The following NAV3 variants were observed in gnomAD, a reference collection of about 807,000 sequenced individuals.
NAV3 encodes the protein pore membrane and/or filament interacting like protein 1.
A neutral mutation model predicts 244.7 loss-of-function variants in NAV3; 87 were observed. The observed-to-expected ratio is 0.36, with a 90% CI of 0.30 to 0.42. The LOEUF is 0.42. Ranked by LOEUF, NAV3 falls within the 20% of genes least tolerant of loss-of-function variation. The probability of loss-of-function intolerance (pLI) is 1.00; values close to 1 mark genes in which losing one functional copy is unlikely to be tolerated. For missense variants in NAV3, 2,663 were observed against 2,893.3 expected, an observed-to-expected ratio of 0.92 and a Z score of 1.83; for synonymous variants, 1,126 against 1,042.2, an observed-to-expected ratio of 1.08 and a Z score of -1.55.
intron 12 of NAV3, among the ~76,000 whole-genome samples, chr12:78,068,535 G>C (rs941008550): frequency 1.3e-5 from 2 of 149,486 alleles, no homozygotes; most frequent in Non-Finnish European, 3.0e-5. Flanking sequence ...ATGTGTGAGA[G>C]CGTCTAAAAA....
intron 2 of NAV3, among the ~76,000 whole-genome samples, chr12:77,612,104 A>T (rs1338540928): frequency 6.6e-6 from 1 of 152,104 alleles, no homozygotes; most frequent in Non-Finnish European, 1.5e-5. Flanking sequence ...ACTAGACTGC[A>T]TGAGTTCATA....
At chr12:77,825,479 G>T (rs948886121) in intron 2 of NAV3, among the ~76,000 whole-genome samples, 1 of 152,026 alleles carries the variant, frequency 6.6e-6, no homozygotes, top group Admixed American at 6.6e-5. Flanking sequence ...TATCTAAAGT[G>T]GCATAATGTA....
chr12:78,105,903 T>A lies in NAV3; in HGVS notation c.2637-10869T>A, dbSNP rs187633061. Among the ~76,000 whole-genome samples the A allele has an allele frequency of 5.1e-3, 768 of 151,734 alleles. 2 individuals carry two copies. Among genetic ancestry groups the A allele is most frequent in the Non-Finnish European group, 8.3e-3 (562 of 67,738 alleles). ...TAAATCCTAATTTTATATTTTATGATATTCAAAATTTCTAACAAATATTTA... is the reference window on the plus strand; with the variant it reads ...TAAATCCTAATTTTATATTTTATGAAATTCAAAATTTCTAACAAATATTTA... On this transcript the variant is annotated intron_variant, in intron 12 of 39. Transcript: ENST00000397909.
At chr12:77,962,446 C>A (rs1310565748) in intron 3 of NAV3, among the ~76,000 whole-genome samples, 1 of 152,084 alleles carries the variant, frequency 6.6e-6, no homozygotes, top group Non-Finnish European at 1.5e-5. Flanking sequence ...AGACTTCATC[C>A]TTCTTGTGAT....
intron 3 of NAV3, among the ~76,000 whole-genome samples, chr12:77,960,172 T>C (rs1190288736): frequency 6.6e-6 from 1 of 151,964 alleles, no homozygotes; most frequent in Non-Finnish European, 1.5e-5. Context: ...AGGCTTAGGA[T>C]GCCATAGAAG....
chr12:78,000,293 A>G (rs1223846000), intron 7 of NAV3, among the ~76,000 whole-genome samples: 2 of 152,058 alleles, frequency 1.3e-5, no homozygotes, highest in Non-Finnish European at 1.5e-5. Flanking sequence ...ATTTTCTTAG[A>G]CAAGAGTTTT....
intron 1 of NAV3, among the ~76,000 whole-genome samples, chr12:77,908,266 G>C (rs1886209011): frequency 6.6e-6 from 1 of 151,986 alleles, no homozygotes; most frequent in African/African-American, 2.4e-5. Flanking sequence ...TAAACTCACT[G>C]TATTGTAAAT....
intron 2 of NAV3, among the ~76,000 whole-genome samples, chr12:77,636,263 G>T (rs138187878): frequency 0.025 from 3,819 of 151,998 alleles, 61 homozygotes; most frequent in Middle Eastern, 0.082. Flanking sequence ...TCAGGAGATC[G>T]AGACCATCCT....
At chr12:77,917,785 T>G (rs1022401641) in intron 1 of NAV3, among the ~76,000 whole-genome samples, 2 of 152,058 alleles carry the variant, frequency 1.3e-5, no homozygotes, top group African/African-American at 4.8e-5. Flanking sequence ...ATTAACTGTT[T>G]GTTTGAAGAC....
At chr12:78,064,154 A>C (rs1884674742) in intron 12 of NAV3, among the ~76,000 whole-genome samples, 1 of 152,088 alleles carries the variant, frequency 6.6e-6, no homozygotes, top group African/African-American at 2.4e-5. Flanking sequence ...CTATTTCTAG[A>C]GGAACTTGGG....
chr12:78,147,031 CTGTT>C (rs1487919788), intron 21 of NAV3, among the ~76,000 whole-genome samples: 1 of 152,038 alleles, frequency 6.6e-6, no homozygotes, highest in African/African-American at 2.4e-5. Context: ...GAGGTAATGG[CTGTT>C]TGATTGGTTT....
chr12:78,159,655 C>CA (rs1025613711), intron 23 of NAV3, among the ~76,000 whole-genome samples: 17 of 150,418 alleles, frequency 1.1e-4, no homozygotes, highest in Non-Finnish European at 2.2e-4. Flanking sequence ...GGAGACAGAA[C>CA]AAAAAAAAGA....
rs1298626112 is a variant in NAV3 at position 78,119,246 on chromosome 12, A to G, written c.3050A>G (p.Asp1017Gly). The change falls in exon 15 of 40, where the codon GAT (aspartate) becomes GGT (glycine). Residue 1017 changes from aspartate to glycine, a missense_variant. Asp to Gly is a moderately conservative substitution (Grantham distance 94, BLOSUM62 -1). Coordinates refer to ENST00000397909, the MANE Select transcript of NAV3 (RefSeq NM_001024383.2). ...TSALKTPGKTDDAKASEKGKA... is the reference protein window; with the variant it reads ...TSALKTPGKTGDAKASEKGKA... ...ATTTCTCCTTAATTAGGGAAAACCG[A>G]TGATGCCAAAGCTTCTGAGAAAGGA... The G allele has an allele frequency of 6.2e-7, 1 of 1,609,114 alleles. No individual in the cohort carries two copies. The highest frequency in any genetic ancestry group is 1.3e-5 in the African/African-American group (1 of 74,410).
chr12:77,597,296 G>A (rs1010451990), intron 2 of NAV3, among the ~76,000 whole-genome samples: 1 of 151,948 alleles, frequency 6.6e-6, no homozygotes, highest in Non-Finnish European at 1.5e-5. Flanking sequence ...ACATTGCAGT[G>A]GCCTCTAATC....
chr12:77,635,273 T>G (rs886980416), intron 2 of NAV3, among the ~76,000 whole-genome samples: 1 of 152,004 alleles, frequency 6.6e-6, no homozygotes, highest in African/African-American at 2.4e-5. Flanking sequence ...TTGCCTAGGT[T>G]GGCCTCATAC....
chr12:77,925,748 A>G (rs1189477636), intron 1 of NAV3, among the ~76,000 whole-genome samples: 1 of 152,094 alleles, frequency 6.6e-6, no homozygotes, highest in Non-Finnish European at 1.5e-5. Flanking sequence ...GTCACTGGAG[A>G]GACACCAACT....
intron 12 of NAV3, among the ~76,000 whole-genome samples, chr12:78,092,185 C>T (rs1182309538): frequency 2.0e-5 from 3 of 152,034 alleles, no homozygotes; most frequent in Non-Finnish European, 4.4e-5. Context: ...ACATTGCAAA[C>T]AGGTATCTGT....
At chr12:77,978,627 T>C (rs12830851) in intron 5 of NAV3, among the ~76,000 whole-genome samples, 17,638 of 152,032 alleles carry the variant, frequency 0.12, 1,214 homozygotes, top group South Asian at 0.15. Context: ...TATTCATCTG[T>C]TTTCTACTAA....
At chr12:77,928,112 A>C (rs1888395311) in intron 1 of NAV3, among the ~76,000 whole-genome samples, 1 of 150,774 alleles carries the variant, frequency 6.6e-6, no homozygotes, top group African/African-American at 2.4e-5. Flanking sequence ...AATCCCAGCT[A>C]CTCGGGAGAC....
Sources: gnomAD v4.1 joint callset for allele counts (sites outside exome capture counted in the v4.1 genomes callset) on GRCh38, gnomAD v4.1.1 for gene constraint, MANE v1.5 for transcripts, NCBI Gene and HGNC (gene_info 2026-07-23, HGNC 2026-07-21) for gene names.